MICU1: variants seen among roughly 807,000 people sequenced by gnomAD.
The protein encoded by MICU1 is calcium uptake protein 1, mitochondrial.
In MICU1, 45 loss-of-function variants were observed where a neutral mutation model predicts 56.8. The ratio of observed to expected loss-of-function variants is 0.79; its 90% confidence interval spans 0.62 to 1.02. The LOEUF (loss-of-function observed/expected upper bound fraction) is 1.02. Among genes scored for constraint, MICU1 ranks in the 50% least tolerant of loss-of-function variants. The pLI is 0.00. For missense variants in MICU1, 504 were observed against 587.1 expected (o/e 0.86, Z 1.46); for synonymous variants, 186 against 195.1 (o/e 0.95, Z 0.39).
At chr10:72,445,723 T>A (rs1235781049) in intron 8 of MICU1, among the ~76,000 whole-genome samples, 2 of 152,204 alleles carry the variant, frequency 1.3e-5, no homozygotes, top group Non-Finnish European at 2.9e-5. Context: ...GGGTTTGGTT[T>A]TTTCCTTGGT....
At chr10:72,601,143 T>C (rs1405296800) in intron 1 of MICU1, among the ~76,000 whole-genome samples, 1 of 152,134 alleles carries the variant, frequency 6.6e-6, no homozygotes, top group African/African-American at 2.4e-5. Flanking sequence ...ACATACAGGC[T>C]GAGTGCAGTG....
chr10:72,531,924 G>A (rs1329557254), intron 5 of MICU1, among the ~76,000 whole-genome samples: 5 of 144,248 alleles, frequency 3.5e-5, no homozygotes, highest in African/African-American at 7.7e-5. Flanking sequence ...TTTTTGAGAC[G>A]GAGTCTCGCT....
At chr10:72,524,083 T>C in intron 5 of MICU1, 1 of 822,502 alleles carries the variant, frequency 1.2e-6, no homozygotes, top group East Asian at 4.0e-5. Context: ...TCATCAGTCC[T>C]GTTACAGTTC....
chr10:72,489,164 C>A (rs143416992), intron 6 of MICU1, among the ~76,000 whole-genome samples: 4 of 151,892 alleles, frequency 2.6e-5, no homozygotes, highest in Admixed American at 6.6e-5. Context: ...GTGGCACATG[C>A]GGGTAATCCC....
At chr10:72,381,122 G>A (rs1388759810) in intron 10 of MICU1, among the ~76,000 whole-genome samples, 1 of 152,170 alleles carries the variant, frequency 6.6e-6, no homozygotes, top group East Asian at 1.9e-4. Context: ...TACAGCTTTA[G>A]GCAGCATGAC....
In MICU1 at chr10:72,517,620, G is replaced by A. The variant is rs142473406; in HGVS notation, c.538-9351C>T. Among the ~76,000 whole-genome samples the A allele has an allele frequency of 2.8e-3, 420 of 152,172 alleles. 1 individual carries two copies. Among genetic ancestry groups the A allele is most frequent in the Non-Finnish European group, 5.0e-3 (339 of 68,000 alleles). On this transcript the variant is annotated intron_variant, in intron 5 of 11. Transcript: ENST00000361114. ...GATACAATGGACTTTGGCGACTCGG[G>A]GGTGTGGGGAAGGGTGAGGGGGTGA...
chr10:72,404,022 C>T (rs1028881841), intron 10 of MICU1, among the ~76,000 whole-genome samples: 3 of 150,388 alleles, frequency 2.0e-5, no homozygotes, highest in Non-Finnish European at 3.0e-5. Flanking sequence ...CAGAGTCTTC[C>T]TCTGTCTCTC....
intron 1 of MICU1, among the ~76,000 whole-genome samples, chr10:72,611,871 C>T (rs535829853): frequency 6.6e-6 from 1 of 152,034 alleles, no homozygotes; most frequent in East Asian, 1.9e-4. Context: ...CCTATAGTCT[C>T]GGCTGCTTGG....
At chr10:72,601,716 C>T (rs1841541046) in intron 1 of MICU1, among the ~76,000 whole-genome samples, 1 of 151,736 alleles carries the variant, frequency 6.6e-6, no homozygotes, top group Non-Finnish European at 1.5e-5. Context: ...TATTAATATG[C>T]TCAAATTTGA....
At chr10:72,461,654 A>G (rs1298420064) in intron 8 of MICU1, among the ~76,000 whole-genome samples, 3 of 152,214 alleles carry the variant, frequency 2.0e-5, no homozygotes, top group Non-Finnish European at 4.4e-5. Flanking sequence ...ATTAGTAGTT[A>G]AGAAAAGACT....
At chr10:72,532,084 GA>G (rs1839502500) in intron 5 of MICU1, among the ~76,000 whole-genome samples, 1 of 151,836 alleles carries the variant, frequency 6.6e-6, no homozygotes, top group African/African-American at 2.4e-5. Context: ...TTGGGAGGCC[GA>G]GGCAGGCAGA....
chr10:72,504,290 T>C (rs1055911583), intron 6 of MICU1, among the ~76,000 whole-genome samples: 16 of 151,944 alleles, frequency 1.1e-4, no homozygotes, highest in Non-Finnish European at 2.2e-4. Flanking sequence ...CATAGACCAA[T>C]GGAATAGAAC....
At chr10:72,486,973 G>C (rs1866494876) in intron 6 of MICU1, among the ~76,000 whole-genome samples, 1 of 152,188 alleles carries the variant, frequency 6.6e-6, no homozygotes. Context: ...GCCCCTATCA[G>C]AGCAACATAA....
In MICU1 at chr10:72,562,923, T is replaced by A; in HGVS notation, c.302A>T (p.Lys101Met). 6.2e-7 allele frequency: 1 copy of A among 1,601,364 alleles called. No homozygotes were observed. Among genetic ancestry groups the A allele is most frequent in the South Asian group, 1.1e-5 (1 of 87,898 alleles). The change falls in exon 3 of 12, where the codon AAG becomes ATG. Residue 101 changes from lysine (K) to methionine (M), a missense_variant. Lys to Met is a moderately conservative substitution (Grantham distance 95, BLOSUM62 -1). Transcript: ENST00000361114. ...DLAPHPEEKKKKRSGFRDRKV... is the reference protein window; with the variant it reads ...DLAPHPEEKKMKRSGFRDRKV... ...TCTGTCTCTGAATCCAGAACGTTTC[T>A]TCTTTTTCTCTTCTGGGTGAGGGGC...
At chr10:72,454,734 G>A (rs1345734230) in intron 8 of MICU1, among the ~76,000 whole-genome samples, 2 of 145,184 alleles carry the variant, frequency 1.4e-5, no homozygotes, top group East Asian at 2.1e-4. Context: ...AGTGAGCTGA[G>A]ATCACACCAC....
intron 3 of MICU1, among the ~76,000 whole-genome samples, chr10:72,553,336 C>A (rs1022610597): frequency 2.0e-5 from 3 of 151,724 alleles, no homozygotes; most frequent in Admixed American, 2.0e-4. Flanking sequence ...CGGGTTCACG[C>A]CATTCTCCTG....
intron 6 of MICU1, among the ~76,000 whole-genome samples, chr10:72,480,065 T>A (rs568896667): frequency 5.9e-5 from 9 of 152,298 alleles, no homozygotes; most frequent in Admixed American, 1.3e-4. Flanking sequence ...GTGTGAAGAA[T>A]GAGTTGGAAA....
chr10:72,440,007 G>C (rs561431350), intron 8 of MICU1, among the ~76,000 whole-genome samples: 31 of 152,126 alleles, frequency 2.0e-4, no homozygotes, highest in East Asian at 7.7e-4. Flanking sequence ...CCATCCCCAT[G>C]AAGCTACCAA....
Position 72,475,420 on chromosome 10 carries a change from T to C in MICU1, c.736-123A>G, listed in dbSNP as rs75291445. 164 of 944,454 alleles carry C rather than the reference T, an allele frequency of 1.7e-4. 2 individuals carry two copies. In the East Asian group the frequency reaches 4.1e-3, roughly 24 times the overall value. The allele number at this position is 944,454 out of a possible 1,614,324, so 58.5% of individuals were successfully genotyped here. ...TACTCTGTATTATAATTATCTCTTT[T>C]AATGCTTACAACAATTTTTTTTTTT... is the stretch of plus-strand genomic sequence containing the variant. On this transcript the variant is annotated intron_variant, in intron 7 of 11. Transcript: ENST00000361114.
Sources: gnomAD v4.1 joint callset for allele counts (sites outside exome capture counted in the v4.1 genomes callset) on GRCh38, gnomAD v4.1.1 for gene constraint, MANE v1.5 for transcripts, NCBI Gene and HGNC (gene_info 2026-07-23, HGNC 2026-07-21) for gene names.